The following AAR2 variants were observed in gnomAD, a reference collection of about 807,000 sequenced individuals.
The protein encoded by AAR2 is protein AAR2 homolog.
In AAR2, 31 loss-of-function variants were observed where a neutral mutation model predicts 26.9. That is an observed-to-expected ratio of 1.15 (90% CI 0.86 to 1.55). The LOEUF is 1.55. Among genes scored for constraint, AAR2 ranks in the 40% most tolerant of loss-of-function variants. The pLI is 0.00. For synonymous variants in AAR2, 188 were observed against 196.1 expected, an observed-to-expected ratio of 0.96 and a Z score of 0.34; for missense variants, 430 against 491.3, an observed-to-expected ratio of 0.88 and a Z score of 1.18.
chr20:36,256,041 C>T lies in AAR2; in HGVS notation c.*296C>T, dbSNP rs1453093042. ...CGCTCCTAGGAGACATCTGCCTACA[C>T]GGCAACCATATTTCCTCTGAATGAG... is the stretch of plus-strand genomic sequence containing the variant. On this transcript the variant is annotated 3_prime_UTR_variant, in exon 4 of 4. Transcript: ENST00000320849. 4.5e-5 allele frequency: 14 copies of T among 308,646 alleles called. No homozygotes were observed. In the East Asian group the frequency reaches 7.0e-4, roughly 15 times the overall value. The allele number at this position is 308,646 out of a possible 1,614,324, so 19.1% of individuals were successfully genotyped here. A position where few individuals can be genotyped will look rare whatever the true frequency, so the allele number is the denominator to read the frequency against.
At chr20:36,251,534 G>A (rs2064780492) in intron 3 of AAR2, among the ~76,000 whole-genome samples, 1 of 152,096 alleles carries the variant, frequency 6.6e-6, no homozygotes, top group African/African-American at 2.4e-5. Context: ...ATAAATATCA[G>A]GGATGGATTA....
intron 2 of AAR2, among the ~76,000 whole-genome samples, chr20:36,242,143 C>CTTT (rs11333425): frequency 2.8e-3 from 287 of 101,728 alleles, no homozygotes; most frequent in Middle Eastern, 5.1e-3. Flanking sequence ...TGTAGGACTT[C>CTTT]TTTTTTTTTT....
At position 36,255,927 on chromosome 20, in the gene AAR2, A is replaced by G. The variant is rs932337515; in HGVS notation, c.*182A>G. 1 of 864,322 alleles carries G rather than the reference A, an allele frequency of 1.2e-6. No individual in the cohort carries two copies. Among genetic ancestry groups the G allele is most frequent in the Admixed American group, 3.0e-5 (1 of 33,382 alleles). The allele number at this position is 864,322 out of a possible 1,614,324, so 53.5% of individuals were successfully genotyped here. On this transcript the variant is annotated 3_prime_UTR_variant, in exon 4 of 4. Transcript: ENST00000320849. The stretch of plus-strand genomic sequence containing the variant: ...ATTTCTTCATTGCCAAAGAGGCTGT[A>G]CCCATCCTGAAGGCACATTTGTGGG...
At chr20:36,245,901 T>G (rs1313156994) in intron 3 of AAR2, among the ~76,000 whole-genome samples, 1 of 152,148 alleles carries the variant, frequency 6.6e-6, no homozygotes, top group Non-Finnish European at 1.5e-5. Context: ...GCACCTGTAG[T>G]CCTAGCCACT....
chr20:36,253,825 G>A (rs577179372), intron 3 of AAR2, among the ~76,000 whole-genome samples: 1 of 152,328 alleles, frequency 6.6e-6, no homozygotes, highest in South Asian at 2.1e-4. Context: ...AATGGCCAAT[G>A]TGCACATGAA....
chr20:36,255,617 A>G lies in AAR2; in HGVS notation c.1027A>G (p.Thr343Ala). ...TGCCTGCAGCATTGCCGTGGATGCC[A>G]CCCTGAGAAAGAAAGCTGAAAAGTT... ...SSACSIAVDA[T>A]LRKKAEKFQA... The change falls in exon 4 of 4, where the codon ACC (threonine) becomes GCC (alanine). Residue 343 changes from threonine (T) to alanine (A), a missense_variant. Coordinates refer to ENST00000320849, the MANE Select transcript of AAR2 (RefSeq NM_001271874.2). 2.5e-6 allele frequency: 4 copies of G among 1,614,118 alleles called. No homozygotes were observed. Among genetic ancestry groups the G allele is most frequent in the South Asian group, 2.2e-5 (2 of 91,072 alleles).
rs2064775260 is a variant in AAR2 at position 36,250,925 on chromosome 20, G to A, written c.988-4653G>A. Among the ~76,000 whole-genome samples, 3 of 152,106 alleles carry A rather than the reference G, an allele frequency of 2.0e-5. No individual in the cohort carries two copies. In the South Asian group the frequency reaches 6.2e-4, roughly 32 times the overall value. On this transcript the variant is annotated intron_variant, in intron 3 of 3. Transcript: ENST00000320849. ...AGAAGAAAAAAAAAATACCAGGCGT[G>A]GTGGCTCATGCCTCTAATCCCAGCA...
At chr20:36,244,633 T>C in intron 2 of AAR2, 64 bp from the exon 3 acceptor site, 1 of 1,483,270 alleles carries the variant, frequency 6.7e-7, no homozygotes, top group Non-Finnish European at 9.4e-7. Flanking sequence ...TTGTGAATAG[T>C]GATGGAGAGT....
At chr20:36,251,414 A>G (rs1415967701) in intron 3 of AAR2, among the ~76,000 whole-genome samples, 1 of 151,906 alleles carries the variant, frequency 6.6e-6, no homozygotes. Flanking sequence ...TTATACCACA[A>G]TAAGGTTGAT....
At chr20:36,250,123 C>T (rs891110464) in intron 3 of AAR2, among the ~76,000 whole-genome samples, 3 of 152,146 alleles carry the variant, frequency 2.0e-5, no homozygotes, top group African/African-American at 7.2e-5. Context: ...TTGAATTTCT[C>T]GAGGTGACCT....
At position 36,256,136 on chromosome 20, in the gene AAR2, C is replaced by T. The variant is rs1328836865; in HGVS notation, c.*391C>T. ...CATAGGAGCTTAGGAAACAAGAAAC[C>T]CTGGATTGCCCAGGGGGTCTGAGAA... On this transcript the variant is annotated 3_prime_UTR_variant, in exon 4 of 4. Coordinates refer to ENST00000320849, the MANE Select transcript of AAR2 (RefSeq NM_001271874.2). 2 of 164,484 alleles carry T rather than the reference C, an allele frequency of 1.2e-5. No homozygotes were observed. The highest frequency in any genetic ancestry group is 2.4e-5 in the African/African-American group (1 of 41,824). 10.2% of individuals were successfully genotyped at this position (164,484 alleles called of 1,614,324 possible). A position where few individuals can be genotyped will look rare whatever the true frequency, so the allele number is the denominator to read the frequency against.
intron 3 of AAR2, among the ~76,000 whole-genome samples, chr20:36,247,309 A>T (rs184504730): frequency 3.5e-3 from 535 of 152,202 alleles, no homozygotes; most frequent in Middle Eastern, 0.014. Context: ...CTCCGTGCTT[A>T]CCAGTTACCC....
rs190022101 is a variant in AAR2, at chr20:36,249,355, A to G, written c.987+4429A>G. ...TAATTCATTTAAAACCAATGAAAGG[A>G]TAATCTGAATTTAATGATATGTTAG... is the stretch of plus-strand genomic sequence containing the variant. On this transcript the variant is annotated intron_variant, in intron 3 of 3. Transcript: ENST00000320849. Among the ~76,000 whole-genome samples the G allele has an allele frequency of 1.1e-3, 166 of 152,356 alleles. 1 individual carries two copies. The highest frequency in any genetic ancestry group is 1.9e-4 in the East Asian group (1 of 5,192).
chr20:36,244,716 T>C lies in AAR2; in HGVS notation c.777T>C (p.Phe259=), dbSNP rs368599383. ...QDVLGELQFA[F]VCFLLGNVYE... ...TTTCAGGTGAACTCCAGTTTGCTTT[T>C]GTGTGCTTCCTGCTGGGGAATGTGT... is the stretch of plus-strand genomic sequence containing the variant. The change falls in exon 3 of 4, where the codon TTT becomes TTC. Residue 259 remains phenylalanine, a synonymous_variant. Transcript: ENST00000320849. The C allele has an allele frequency of 7.1e-5, 114 of 1,614,100 alleles. No homozygotes were observed. The highest frequency in any genetic ancestry group is 9.2e-5 in the Non-Finnish European group (108 of 1,180,048).
intron 3 of AAR2, among the ~76,000 whole-genome samples, chr20:36,250,710 G>A (rs747427593): frequency 1.3e-5 from 2 of 152,036 alleles, no homozygotes; most frequent in Non-Finnish European, 2.9e-5. Flanking sequence ...TTGGGGTGAC[G>A]GTTACACAAA....
At chr20:36,247,422 T>A (rs559540011) in intron 3 of AAR2, among the ~76,000 whole-genome samples, 4 of 152,162 alleles carry the variant, frequency 2.6e-5, no homozygotes, top group African/African-American at 2.4e-5. Context: ...AGCCTAAACA[T>A]TGGTCGCAAA....
rs368191287 is a variant in AAR2 at position 36,255,685 on chromosome 20, G to A, written c.1095G>A (p.Ala365=). The A allele has an allele frequency of 8.6e-5, 139 of 1,613,988 alleles. No individual in the cohort carries two copies. The East Asian group carries it at 9.8e-4, about 11-fold the overall frequency. ...AGAAGTTCCGGTGGGACTTTGCTGC[G>A]GAACCTGAGGACTGTGCCCCGGTGG... is the stretch of plus-strand genomic sequence containing the variant. The part of the protein sequence containing the change: ...LTKKFRWDFA[A]EPEDCAPVVV... The change falls in exon 4 of 4, where the codon GCG becomes GCA. Residue 365 remains alanine, a synonymous_variant. Transcript: ENST00000320849.
chr20:36,246,999 G>A (rs1266264210), intron 3 of AAR2, among the ~76,000 whole-genome samples: 2 of 152,198 alleles, frequency 1.3e-5, no homozygotes, highest in African/African-American at 4.8e-5. Context: ...CATTGATTTA[G>A]CAGGTAATTG....
At chr20:36,237,942 G>A (rs1255378159) in intron 1 of AAR2, among the ~76,000 whole-genome samples, 8 of 151,762 alleles carry the variant, frequency 5.3e-5, no homozygotes, top group Admixed American at 3.9e-4. Context: ...ACCACCATGC[G>A]CGGCTAATTT....
Sources: gnomAD v4.1 joint callset for allele counts (sites outside exome capture counted in the v4.1 genomes callset) on GRCh38, gnomAD v4.1.1 for gene constraint, MANE v1.5 for transcripts, NCBI Gene and HGNC (gene_info 2026-07-23, HGNC 2026-07-21) for gene names.